IPCEF1: variants seen among roughly 807,000 people sequenced by gnomAD.
IPCEF1 encodes the protein interactor protein for cytohesin exchange factors 1.
IPCEF1 carries 31 observed loss-of-function variants against 50.9 expected under a neutral mutation model. The observed-to-expected ratio is 0.61, with a 90% CI of 0.46 to 0.82. The LOEUF (loss-of-function observed/expected upper bound fraction) is 0.82. Ranked by LOEUF, IPCEF1 falls within the 40% of genes least tolerant of loss-of-function variation. The pLI is 0.00. For synonymous variants in IPCEF1, 181 were observed against 192.0 expected, an observed-to-expected ratio of 0.94 and a Z score of 0.47; for missense variants, 458 against 514.0, an observed-to-expected ratio of 0.89 and a Z score of 1.05.
chr6:154,260,821 ATTTAT>A (rs919759157), intron 3 of IPCEF1, among the ~76,000 whole-genome samples: 1 of 152,008 alleles, frequency 6.6e-6, no homozygotes, highest in African/African-American at 2.4e-5. Flanking sequence ...TGCTAGTATT[ATTTAT>A]TTATTTATTT....
chr6:154,223,287 C>G, intron 5 of IPCEF1, 44 bp from the exon 6 acceptor site: 1 of 1,457,056 alleles, frequency 6.9e-7, no homozygotes, highest in Non-Finnish European at 9.6e-7. Flanking sequence ...TGCATCAATC[C>G]TGGGGATTAG....
intron 9 of IPCEF1, among the ~76,000 whole-genome samples, chr6:154,204,993 T>C (rs71567970): frequency 0.11 from 17,272 of 152,138 alleles, 1,595 homozygotes; most frequent in African/African-American, 0.25. Flanking sequence ...CCAGAAAGGC[T>C]TCCCTGTGGA....
At chr6:154,338,200 T>C (rs1783829468) in intron 1 of IPCEF1, among the ~76,000 whole-genome samples, 1 of 152,240 alleles carries the variant, frequency 6.6e-6, no homozygotes, top group Admixed American at 6.5e-5. Flanking sequence ...CATGTATTCT[T>C]AGCCTTGCAC....
At chr6:154,267,894 G>A (rs9479803) in intron 2 of IPCEF1, among the ~76,000 whole-genome samples, 66,700 of 152,108 alleles carry the variant, frequency 0.44, 15,853 homozygotes, top group East Asian at 0.65. Context: ...TTGTCAGGAT[G>A]TCTGTTCAGC....
intron 3 of IPCEF1, among the ~76,000 whole-genome samples, chr6:154,258,226 A>G (rs1445687932): frequency 6.6e-6 from 1 of 152,120 alleles, no homozygotes; most frequent in Non-Finnish European, 1.5e-5. Context: ...CCCTGTAATA[A>G]GCTATTTATG....
At chr6:154,266,570 A>G (rs1332143484) in intron 2 of IPCEF1, among the ~76,000 whole-genome samples, 1 of 144,586 alleles carries the variant, frequency 6.9e-6, no homozygotes, top group Non-Finnish European at 1.5e-5. Flanking sequence ...CTATATATAT[A>G]TATATATATA....
At chr6:154,171,054 G>A (rs910840805) in intron 10 of IPCEF1, among the ~76,000 whole-genome samples, 1 of 152,068 alleles carries the variant, frequency 6.6e-6, no homozygotes, top group African/African-American at 2.4e-5. Context: ...TGCCACTTTA[G>A]AAAATAGTTT....
chr6:154,250,058 A>T (rs1334339822), intron 3 of IPCEF1, among the ~76,000 whole-genome samples: 1 of 152,204 alleles, frequency 6.6e-6, no homozygotes, highest in Non-Finnish European at 1.5e-5. Flanking sequence ...TTATAGAAAT[A>T]ACAAATTCAG....
intron 10 of IPCEF1, among the ~76,000 whole-genome samples, chr6:154,187,071 T>C (rs1044647082): frequency 1.3e-5 from 2 of 152,200 alleles, no homozygotes; most frequent in Admixed American, 6.5e-5. Context: ...CTGCCGCTAG[T>C]CTTCAATCAC....
chr6:154,235,523 C>A (rs1199159923), intron 5 of IPCEF1, among the ~76,000 whole-genome samples: 1 of 112,838 alleles, frequency 8.9e-6, no homozygotes, highest in Non-Finnish European at 1.7e-5. Context: ...AAGAGCAAAA[C>A]TCTGTCACAA....
At chr6:154,233,112 G>C (rs1027924106) in intron 5 of IPCEF1, among the ~76,000 whole-genome samples, 8 of 152,004 alleles carry the variant, frequency 5.3e-5, no homozygotes, top group African/African-American at 1.4e-4. Flanking sequence ...GGGGTTACAG[G>C]CATGTGCCGC....
chr6:154,199,072 C>A (rs1776865821), intron 10 of IPCEF1, among the ~76,000 whole-genome samples: 1 of 152,232 alleles, frequency 6.6e-6, no homozygotes, highest in Non-Finnish European at 1.5e-5. Flanking sequence ...CTTCCACACA[C>A]AATTAATTCT....
rs41292900 is a variant in IPCEF1 at position 154,199,835 on chromosome 6, G to C, written c.743C>G (p.Pro248Arg). The change falls in exon 10 of 12, where the codon CCT (proline) becomes CGT (arginine). Residue 248 changes from proline to arginine, a missense_variant. Pro to Arg is a moderately radical substitution (Grantham distance 103). Transcript: ENST00000367220. ...PITFAVQVHS[P>R]VPSEAGIHKA... is the part of the protein sequence containing the mutation. ...GTGGATGCCTGCCTCTGAGGGTACA[G>C]GTGAATGAACTTGCACAGCAAACGT... 21 of 1,614,130 alleles carry C rather than the reference G, an allele frequency of 1.3e-5. No homozygotes were observed. Among genetic ancestry groups the C allele is most frequent in the Non-Finnish European group, 1.7e-5 (20 of 1,180,014 alleles).
At chr6:154,241,331 G>T (rs759733316) in intron 5 of IPCEF1, among the ~76,000 whole-genome samples, 3 of 151,366 alleles carry the variant, frequency 2.0e-5, no homozygotes, top group Non-Finnish European at 2.9e-5. Context: ...TCCTTGAACT[G>T]GTGATGCAAT....
intron 10 of IPCEF1, among the ~76,000 whole-genome samples, chr6:154,190,495 A>AG (rs1801775586): frequency 1.3e-5 from 2 of 152,300 alleles, no homozygotes; most frequent in South Asian, 4.1e-4. Flanking sequence ...GAAAATCCAA[A>AG]ACACAGAAAA....
chr6:154,160,625 G>A (rs1177322694), intron 11 of IPCEF1, among the ~76,000 whole-genome samples: 1 of 151,992 alleles, frequency 6.6e-6, no homozygotes, highest in Non-Finnish European at 1.5e-5. Flanking sequence ...ACAACCTATT[G>A]GTGCTATTCC....
At chr6:154,284,379 G>A (rs958751364) in intron 2 of IPCEF1, among the ~76,000 whole-genome samples, 1 of 152,208 alleles carries the variant, frequency 6.6e-6, no homozygotes, top group Non-Finnish European at 1.5e-5. Flanking sequence ...CATCAGACAA[G>A]AAATTGTTAG....
intron 1 of IPCEF1, among the ~76,000 whole-genome samples, chr6:154,340,719 C>A (rs1485072606): frequency 6.6e-6 from 1 of 151,658 alleles, no homozygotes; most frequent in Non-Finnish European, 1.5e-5. Flanking sequence ...AACCCTGTCT[C>A]TACTAAAAAC....
intron 7 of IPCEF1, among the ~76,000 whole-genome samples, chr6:154,220,382 G>C (rs766368259): frequency 6.6e-6 from 1 of 152,208 alleles, no homozygotes; most frequent in Non-Finnish European, 1.5e-5. Flanking sequence ...TGTTGACCAG[G>C]TGCGGTGGCT....
Sources: gnomAD v4.1 joint callset for allele counts (sites outside exome capture counted in the v4.1 genomes callset) on GRCh38, gnomAD v4.1.1 for gene constraint, MANE v1.5 for transcripts, NCBI Gene and HGNC (gene_info 2026-07-23, HGNC 2026-07-21) for gene names.